The following NKAIN2 variants were observed in gnomAD, a reference collection of about 807,000 sequenced individuals.
The protein encoded by NKAIN2 is sodium/potassium-transporting ATPase subunit beta-1-interacting protein 2.
Under a neutral mutation model 32.6 loss-of-function variants are expected in NKAIN2, and 14 were observed. The ratio of observed to expected loss-of-function variants is 0.43; its 90% CI spans 0.28 to 0.67. The LOEUF (loss-of-function observed/expected upper bound fraction) is 0.67, where lower values mean the gene tolerates loss of function less well. Among genes scored for constraint, NKAIN2 ranks in the 30% least tolerant of loss-of-function variants. The pLI is 0.17. For missense variants in NKAIN2, 198 were observed against 258.3 expected, an observed-to-expected ratio of 0.77 and a Z score of 1.60; for synonymous variants, 80 against 87.2, an observed-to-expected ratio of 0.92 and a Z score of 0.46.
At chr6:124,286,672 G>GCGCGCGCGC (rs1473009441) in intron 2 of NKAIN2, among the ~76,000 whole-genome samples, 2 of 101,900 alleles carry the variant, frequency 2.0e-5, no homozygotes, top group Non-Finnish European at 3.8e-5. Flanking sequence ...GTGTGTGTGT[G>GCGCGCGCGC]TGCGCGCGCG....
intron 5 of NKAIN2, among the ~76,000 whole-genome samples, chr6:124,799,170 A>C (rs1582543386): frequency 6.6e-6 from 1 of 152,308 alleles, no homozygotes; most frequent in South Asian, 2.1e-4. Context: ...GCTACATGCG[A>C]ATTTTCCTCC....
intron 4 of NKAIN2, among the ~76,000 whole-genome samples, chr6:124,708,617 G>C (rs1293699418): frequency 2.0e-5 from 3 of 151,084 alleles, no homozygotes; most frequent in African/African-American, 7.3e-5. Context: ...GTGAATGGGA[G>C]TTCACTCATG....
intron 6 of NKAIN2, among the ~76,000 whole-genome samples, chr6:124,820,236 T>C (rs1269654752): frequency 6.6e-6 from 1 of 152,208 alleles, no homozygotes; most frequent in Non-Finnish European, 1.5e-5. Flanking sequence ...TAAAGTGTTC[T>C]ATTTAAAAAG....
chr6:124,768,391 A>G (rs1778602636), intron 4 of NKAIN2, among the ~76,000 whole-genome samples: 1 of 152,188 alleles, frequency 6.6e-6, no homozygotes, highest in Admixed American at 6.5e-5. Context: ...CTGAACAGCC[A>G]TCTCAGCTAA....
chr6:124,446,532 G>A (rs993474565), intron 3 of NKAIN2, among the ~76,000 whole-genome samples: 2 of 151,756 alleles, frequency 1.3e-5, no homozygotes, highest in African/African-American at 4.8e-5. Flanking sequence ...TGATAGAGAC[G>A]GGGTTTTGCC....
At chr6:124,157,246 A>G (rs1333760726) in intron 1 of NKAIN2, among the ~76,000 whole-genome samples, 1 of 137,728 alleles carries the variant, frequency 7.3e-6, no homozygotes, top group Non-Finnish European at 1.6e-5. Context: ...GGTGTGTCAT[A>G]ATGGACACAC....
At position 124,726,169 on chromosome 6, in the gene NKAIN2, A is replaced by G. The variant is rs537206014; in HGVS notation, c.475-65170A>G. Among the ~76,000 whole-genome samples, 558 of 152,308 alleles carry G rather than the reference A, an allele frequency of 3.7e-3. 4 individuals carry two copies. Among genetic ancestry groups the G allele is most frequent in the African/African-American group, 0.013 (530 of 41,566 alleles). The stretch of plus-strand genomic sequence containing the variant: ...ATTGCCCAGGCTTGATTAGGTAAAC[A>G]AAGCAGCCAGAAAGCTCCAACTGGG... On this transcript the variant is annotated intron_variant, in intron 4 of 6. Transcript: ENST00000368417.
intron 1 of NKAIN2, among the ~76,000 whole-genome samples, chr6:123,850,585 G>T (rs1010709097): frequency 6.6e-6 from 1 of 151,962 alleles, no homozygotes; most frequent in Non-Finnish European, 1.5e-5. Context: ...TTCTAACTTT[G>T]TTTCACTTTG....
intron 1 of NKAIN2, among the ~76,000 whole-genome samples, chr6:124,197,854 T>C (rs1160136212): frequency 1.3e-5 from 2 of 151,000 alleles, no homozygotes; most frequent in African/African-American, 2.4e-5. Context: ...TTTTTTTTTT[T>C]TTTCATGATT....
At chr6:124,387,517 CA>C (rs1772957878) in intron 3 of NKAIN2, among the ~76,000 whole-genome samples, 1 of 152,154 alleles carries the variant, frequency 6.6e-6, no homozygotes, top group East Asian at 1.9e-4. Context: ...GTCCAGAAAA[CA>C]ACAGCATTAG....
intron 3 of NKAIN2, among the ~76,000 whole-genome samples, chr6:124,440,588 T>A (rs1775646134): frequency 6.6e-6 from 1 of 152,056 alleles, no homozygotes; most frequent in African/African-American, 2.4e-5. Flanking sequence ...CCAAGAAATG[T>A]CCAAGTGGAT....
intron 6 of NKAIN2, among the ~76,000 whole-genome samples, chr6:124,821,914 A>C (rs1781410352): frequency 6.6e-6 from 1 of 152,214 alleles, no homozygotes; most frequent in East Asian, 1.9e-4. Flanking sequence ...ACAACTTGTT[A>C]CTGGTGCAGC....
Position 124,121,863 on chromosome 6 carries a change from C to G in NKAIN2, c.55-161142C>G, listed in dbSNP as rs922333170. On this transcript the variant is annotated intron_variant, in intron 1 of 6. Transcript: ENST00000368417. ...CTCTAATCATGCCTTATTTGTCCCT[C>G]TGGTATATTTACAGGTACTGAAGAT... 5 of 1,122,154 alleles carry G rather than the reference C, an allele frequency of 4.5e-6. No individual in the cohort carries two copies. The African/African-American group carries it at 4.8e-5, about 11-fold the overall frequency. 69.5% of individuals were successfully genotyped at this position (1,122,154 alleles called of 1,614,324 possible). A position where few individuals can be genotyped will look rare whatever the true frequency, so the allele number is the denominator to read the frequency against.
intron 2 of NKAIN2, among the ~76,000 whole-genome samples, chr6:124,344,326 G>A (rs1047526702): frequency 1.3e-5 from 2 of 151,984 alleles, no homozygotes; most frequent in Non-Finnish European, 1.5e-5. Context: ...CTCTTTTTTG[G>A]TTCCATATGA....
rs1210218056 is a variant in NKAIN2, at chr6:123,806,271, G to A, written c.54+2017G>A. Among the ~76,000 whole-genome samples, 3 of 152,162 alleles carry A rather than the reference G, an allele frequency of 2.0e-5. No individual in the cohort carries two copies. The East Asian group carries it at 5.8e-4, about 29-fold the overall frequency. ...AAGTAAGTGTACATTGGAATCCTAA[G>A]GAGTTTTTATATTATATGAGAATCA... On this transcript the variant is annotated intron_variant, in intron 1 of 6. Transcript: ENST00000368417.
intron 1 of NKAIN2, among the ~76,000 whole-genome samples, chr6:124,159,507 C>CTCTG (rs1264263919): frequency 1.3e-5 from 2 of 152,114 alleles, no homozygotes; most frequent in African/African-American, 4.8e-5. Context: ...TGTAAAATTT[C>CTCTG]TCTGTATGTA....
At chr6:124,232,492 C>T (rs943096467) in intron 1 of NKAIN2, among the ~76,000 whole-genome samples, 6 of 151,926 alleles carry the variant, frequency 3.9e-5, no homozygotes, top group Admixed American at 6.6e-5. Context: ...TATATAGATT[C>T]GATTGAAAAA....
intron 1 of NKAIN2, among the ~76,000 whole-genome samples, chr6:124,078,578 A>G (rs1376030908): frequency 6.6e-6 from 1 of 152,218 alleles, no homozygotes; most frequent in Non-Finnish European, 1.5e-5. Context: ...ACCACAGTCT[A>G]TGAACTTAAT....
intron 3 of NKAIN2, among the ~76,000 whole-genome samples, chr6:124,631,401 C>T (rs1179281452): frequency 6.6e-6 from 1 of 152,024 alleles, no homozygotes; most frequent in Non-Finnish European, 1.5e-5. Context: ...TTTACATTTT[C>T]CTGTCTATTT....
Sources: gnomAD v4.1 joint callset for allele counts (sites outside exome capture counted in the v4.1 genomes callset) on GRCh38, gnomAD v4.1.1 for gene constraint, MANE v1.5 for transcripts, NCBI Gene and HGNC (gene_info 2026-07-23, HGNC 2026-07-21) for gene names.